Variants in CDH12 observed in about 807,000 individuals in gnomAD.
CDH12 encodes the protein cadherin-12.
In CDH12, 41 loss-of-function variants were observed where a neutral mutation model predicts 74.1. The observed-to-expected ratio is 0.55, with a 90% CI of 0.43 to 0.72. CDH12 has a LOEUF of 0.72. CDH12 is among the 30% of genes least tolerant of loss of function. CDH12 has a pLI of 0.00. For synonymous variants in CDH12, 399 were observed against 355.0 expected, an observed-to-expected ratio of 1.12 and a Z score of -1.39; for missense variants, 945 against 977.2, an observed-to-expected ratio of 0.97 and a Z score of 0.44.
chr5:22,493,483 A>ATG lies in CDH12; in HGVS notation c.-428+11786_-428+11787insCA, dbSNP rs1169284511. On this transcript the variant is annotated intron_variant, in intron 2 of 14. Transcript: ENST00000382254. The stretch of plus-strand genomic sequence containing the variant: ...TAATAAATTTAATGCATGCATAGAT[A>ATG]CATGCTACGCACTCTACTTGGTACT... Among the ~76,000 whole-genome samples, 486 of 152,332 alleles carry ATG rather than the reference A, an allele frequency of 3.2e-3. 2 individuals carry two copies. Among genetic ancestry groups the ATG allele is most frequent in the African/African-American group, 0.011 (460 of 41,590 alleles).
At chr5:22,681,813 G>T (rs1483433829) in intron 1 of CDH12, among the ~76,000 whole-genome samples, 1 of 151,994 alleles carries the variant, frequency 6.6e-6, no homozygotes, top group Non-Finnish European at 1.5e-5. Flanking sequence ...AGAATTAGGA[G>T]ATTGTTTGTT....
intron 1 of CDH12, among the ~76,000 whole-genome samples, chr5:22,597,707 T>G (rs1025170558): frequency 6.6e-6 from 1 of 152,274 alleles, no homozygotes; most frequent in South Asian, 2.1e-4. Flanking sequence ...CAATAAATAT[T>G]TATTAAATAA....
chr5:21,844,173 T>C (rs1401653274), intron 7 of CDH12, among the ~76,000 whole-genome samples: 1 of 152,092 alleles, frequency 6.6e-6, no homozygotes, highest in Non-Finnish European at 1.5e-5. Context: ...AAAGATCGTC[T>C]TTTCCCAAGA....
chr5:22,379,917 C>G (rs1035784310), intron 3 of CDH12, among the ~76,000 whole-genome samples: 2 of 152,072 alleles, frequency 1.3e-5, no homozygotes, highest in African/African-American at 4.8e-5. Context: ...TCATGCCCAG[C>G]CAATTTTTTA....
chr5:22,721,002 C>T (rs1349751692), intron 1 of CDH12, among the ~76,000 whole-genome samples: 1 of 152,196 alleles, frequency 6.6e-6, no homozygotes, highest in Non-Finnish European at 1.5e-5. Context: ...TTCAAGCCAG[C>T]TGAAGAAGTT....
chr5:22,572,032 T>A (rs1739567169), intron 1 of CDH12, among the ~76,000 whole-genome samples: 1 of 152,162 alleles, frequency 6.6e-6, no homozygotes, highest in South Asian at 2.1e-4. Flanking sequence ...TTACTCAATG[T>A]AGGGTTGTCA....
chr5:21,882,992 T>C (rs543175769), intron 6 of CDH12: 21 of 1,600,738 alleles, frequency 1.3e-5, no homozygotes, highest in Non-Finnish European at 1.8e-5. Flanking sequence ...TTAGCAAAGG[T>C]GCTAATCCAG....
At chr5:22,486,690 T>C (rs1223738152) in intron 2 of CDH12, among the ~76,000 whole-genome samples, 1 of 152,044 alleles carries the variant, frequency 6.6e-6, no homozygotes, top group Admixed American at 6.5e-5. Context: ...TGACCTCAGG[T>C]GATCCGCCTG....
intron 3 of CDH12, among the ~76,000 whole-genome samples, chr5:22,314,149 C>G (rs1436738699): frequency 6.6e-6 from 1 of 152,010 alleles, no homozygotes; most frequent in Non-Finnish European, 1.5e-5. Context: ...GTTATATATT[C>G]GACTTGAAGT....
At chr5:22,011,219 T>TA (rs1055444423) in intron 5 of CDH12, among the ~76,000 whole-genome samples, 10 of 152,194 alleles carry the variant, frequency 6.6e-5, no homozygotes, top group Non-Finnish European at 1.3e-4. Context: ...ATTCTTCCTG[T>TA]AATGAAGCCA....
At chr5:22,685,199 A>T (rs991933365) in intron 1 of CDH12, among the ~76,000 whole-genome samples, 1 of 152,124 alleles carries the variant, frequency 6.6e-6, no homozygotes, top group African/African-American at 2.4e-5. Context: ...CCATTCCTAT[A>T]ATCCAATTTT....
intron 3 of CDH12, among the ~76,000 whole-genome samples, chr5:22,306,910 T>C (rs1738139943): frequency 6.6e-6 from 1 of 152,206 alleles, no homozygotes; most frequent in African/African-American, 2.4e-5. Context: ...GAAAATATCA[T>C]TCCTTAATGT....
chr5:22,090,837 A>T lies in CDH12; in HGVS notation c.-186-11975T>A, dbSNP rs551311104. 5.7e-4 allele frequency among the ~76,000 whole-genome samples: 87 copies of T among 152,220 alleles called. No individual in the cohort carries two copies. The Middle Eastern group carries it at 0.02, about 36-fold the overall frequency. On this transcript the variant is annotated intron_variant, in intron 4 of 14. Transcript: ENST00000382254. ...AAAGAAGAAACAAAACAAACAGAGG[A>T]TCATGTCAATGATCTAGAAAATGTA...
intron 4 of CDH12, among the ~76,000 whole-genome samples, chr5:22,205,980 A>C (rs1038076918): frequency 7.9e-5 from 12 of 151,672 alleles, no homozygotes; most frequent in African/African-American, 2.4e-4. Flanking sequence ...TACACACAAA[A>C]TTTTATATTA....
chr5:22,770,802 T>A (rs2126308782), intron 1 of CDH12, among the ~76,000 whole-genome samples: 1 of 152,242 alleles, frequency 6.6e-6, no homozygotes. Context: ...AAACATTTAT[T>A]GTGCATCCAC....
intron 2 of CDH12, among the ~76,000 whole-genome samples, chr5:22,501,101 C>T (rs573640592): frequency 6.6e-6 from 1 of 152,036 alleles, no homozygotes; most frequent in South Asian, 2.1e-4. Context: ...AAAAGATCCT[C>T]TATTTATTTA....
At chr5:22,760,181 G>C (rs1746132381) in intron 1 of CDH12, among the ~76,000 whole-genome samples, 1 of 152,110 alleles carries the variant, frequency 6.6e-6, no homozygotes, top group African/African-American at 2.4e-5. Context: ...TTTTCTGGTG[G>C]CCTTTCTGAG....
chr5:22,402,052 A>G (rs1350918255), intron 3 of CDH12, among the ~76,000 whole-genome samples: 5 of 152,164 alleles, frequency 3.3e-5, no homozygotes, highest in Non-Finnish European at 5.9e-5. Flanking sequence ...TGTTGTTTTA[A>G]ATCACCCAAT....
At chr5:22,459,262 T>C (rs555848858) in intron 2 of CDH12, among the ~76,000 whole-genome samples, 156 of 152,212 alleles carry the variant, frequency 1.0e-3, no homozygotes, top group African/African-American at 3.6e-3. Flanking sequence ...ATTATGAATA[T>C]TTAAATGAGT....
Sources: allele counts gnomAD v4.1 joint callset (sites outside exome capture counted in the v4.1 genomes callset), GRCh38; gene constraint gnomAD v4.1.1; transcripts MANE v1.5; gene names NCBI Gene and HGNC (gene_info 2026-07-23, HGNC 2026-07-21).